The following SMC6 variants were observed in gnomAD, a reference collection of about 807,000 sequenced individuals.
SMC6 encodes structural maintenance of chromosomes 6.
Under a neutral mutation model 142.2 loss-of-function variants are expected in SMC6, and 79 were observed. The observed-to-expected ratio is 0.56, with a 90% CI of 0.46 to 0.67. SMC6 has a LOEUF of 0.67. Among genes scored for constraint, SMC6 ranks in the 30% least tolerant of loss-of-function variants. The pLI is 0.00. For missense variants in SMC6, 1,072 were observed against 1,284.0 expected (o/e 0.83, Z 2.52); for synonymous variants, 411 against 412.4 (o/e 1.00, Z 0.04).
chr2:17,740,764 C>T (rs74657943), intron 4 of SMC6: 8 of 434,606 alleles, frequency 1.8e-5, no homozygotes, highest in East Asian at 8.5e-5. Context: ...ACAGGAGAAT[C>T]GCTTGAACCT....
At chr2:17,751,577 A>G (rs558125326) in intron 2 of SMC6, among the ~76,000 whole-genome samples, 17 of 152,308 alleles carry the variant, frequency 1.1e-4, no homozygotes, top group African/African-American at 4.1e-4. Flanking sequence ...ATACTCTGCA[A>G]TGGAGAAAGA....
chr2:17,700,046 T>C (rs1294830736), intron 21 of SMC6, among the ~76,000 whole-genome samples, 162 bp downstream of exon 21: 1 of 152,176 alleles, frequency 6.6e-6, no homozygotes, highest in Non-Finnish European at 1.5e-5. Flanking sequence ...TTAATACTAA[T>C]TGATCTAATG....
intron 23 of SMC6, among the ~76,000 whole-genome samples, chr2:17,688,195 G>A (rs1304791896): frequency 6.6e-6 from 1 of 151,870 alleles, no homozygotes; most frequent in African/African-American, 2.4e-5. Flanking sequence ...TTTGTTTTTA[G>A]GTATCATTCC....
intron 4 of SMC6, among the ~76,000 whole-genome samples, chr2:17,739,865 C>CACACAG (rs1176077033): frequency 4.5e-5 from 6 of 134,024 alleles, no homozygotes; most frequent in Non-Finnish European, 6.3e-5. Flanking sequence ...CACACACACA[C>CACACAG]AGAGAATATG....
chr2:17,720,844 G>T, intron 11 of SMC6, 96 bp downstream of exon 11: 2 of 1,037,480 alleles, frequency 1.9e-6, no homozygotes, highest in Non-Finnish European at 2.9e-6. Context: ...CAAATATACT[G>T]TCTGAAACTG....
chr2:17,738,207 A>C lies in SMC6; in HGVS notation c.344+14T>G. On this transcript the variant is annotated intron_variant, in intron 5 of 27. Coordinates refer to ENST00000448223, the MANE Select transcript of SMC6 (RefSeq NM_001142286.2). ...TAAAGAATTGAAAATAGATGGTAGA[A>C]AGCAAACACTTACTTCTGTCCATCT... 1 of 1,572,276 alleles carries C rather than the reference A, an allele frequency of 6.4e-7. No homozygotes were observed. Among genetic ancestry groups the C allele is most frequent in the Non-Finnish European group, 8.7e-7 (1 of 1,145,718 alleles).
chr2:17,748,803 C>T lies in SMC6; in HGVS notation c.-5-2852G>A, dbSNP rs1670875031. Among the ~76,000 whole-genome samples, 3 of 152,204 alleles carry T rather than the reference C, an allele frequency of 2.0e-5. 1 individual carries two copies. In the South Asian group the frequency reaches 6.2e-4, roughly 31 times the overall value. ...AGAAACTGTTTTTATTAATGCCTAACACATGATCATGCAGTTAGCAAGCAC... is the reference window on the plus strand; with the variant it reads ...AGAAACTGTTTTTATTAATGCCTAATACATGATCATGCAGTTAGCAAGCAC... On this transcript the variant is annotated intron_variant, in intron 2 of 27. Transcript: ENST00000448223.
intron 7 of SMC6, among the ~76,000 whole-genome samples, chr2:17,730,776 T>G (rs958401453): frequency 2.2e-4 from 33 of 151,306 alleles, no homozygotes; most frequent in African/African-American, 8.0e-4. Flanking sequence ...CTAATTTTTT[T>G]TTTTTTTTTG....
intron 23 of SMC6, among the ~76,000 whole-genome samples, chr2:17,687,047 C>G (rs571098376): frequency 6.6e-6 from 1 of 152,210 alleles, no homozygotes; most frequent in South Asian, 2.1e-4. Flanking sequence ...ATCCAAAATA[C>G]TTCTGGTTCT....
chr2:17,721,300 A>T (rs766130309), intron 9 of SMC6, 39 bp from the exon 10 acceptor site: 1 of 1,514,500 alleles, frequency 6.6e-7, no homozygotes, highest in South Asian at 1.3e-5. Flanking sequence ...TTTTTTATTA[A>T]TGTTGAAAAA....
chr2:17,745,216 T>C (rs1308842838), intron 3 of SMC6, among the ~76,000 whole-genome samples: 1 of 152,202 alleles, frequency 6.6e-6, no homozygotes, highest in African/African-American at 2.4e-5. Context: ...GGCATCAAGA[T>C]AATACATTGA....
In SMC6 at chr2:17,696,329, T is replaced by C; in HGVS notation, c.2492A>G (p.Lys831Arg). 6.2e-7 allele frequency: 1 copy of C among 1,602,426 alleles called. No individual in the cohort carries two copies. The highest frequency in any genetic ancestry group is 8.5e-7 in the Non-Finnish European group (1 of 1,177,598). ...TTTCATATCCAGTTCTCGTTTCTTT[T>C]TATTTAAGGTATCCAAGTGTTCTTT... Reference protein sequence around the residue: ...KQKEHLDTLNKKKRELDMKEK... With the variant: ...KQKEHLDTLNRKKRELDMKEK... Residue 831 changes from lysine to arginine, a missense_variant, in exon 22 of 28, where the codon AAA becomes AGA. Coordinates refer to ENST00000448223, the MANE Select transcript of SMC6 (RefSeq NM_001142286.2).
chr2:17,691,262 CA>C (rs1416747126), intron 23 of SMC6, among the ~76,000 whole-genome samples: 17 of 114,974 alleles, frequency 1.5e-4, no homozygotes, highest in Non-Finnish European at 2.4e-4. Flanking sequence ...ACACACACAC[CA>C]GAATACTATT....
chr2:17,715,959 A>G (rs1669064746), intron 15 of SMC6, 127 bp downstream of exon 15: 4 of 813,974 alleles, frequency 4.9e-6, no homozygotes, highest in African/African-American at 1.8e-5. Context: ...AACGAAAGCT[A>G]CAAAGCTTTA....
intron 5 of SMC6, 85 bp downstream of exon 5, chr2:17,738,136 A>T: frequency 1.0e-6 from 1 of 974,586 alleles, no homozygotes; most frequent in Non-Finnish European, 1.6e-6. Flanking sequence ...CTTCATTTCC[A>T]GTCATGTCTA....
At chr2:17,726,222 C>G (rs1669617332) in intron 8 of SMC6, among the ~76,000 whole-genome samples, 167 bp downstream of exon 8, 1 of 150,562 alleles carries the variant, frequency 6.6e-6, no homozygotes, top group Admixed American at 6.6e-5. Context: ...AAATTATACT[C>G]CCATCTTACT....
At chr2:17,719,679 A>G (rs550957227) in intron 11 of SMC6, among the ~76,000 whole-genome samples, 2 of 152,310 alleles carry the variant, frequency 1.3e-5, no homozygotes, top group East Asian at 3.9e-4. Context: ...CTTGGTGAAA[A>G]TTTCAGAATA....
chr2:17,706,512 CTT>C (rs11339593), intron 18 of SMC6, among the ~76,000 whole-genome samples: 14 of 147,932 alleles, frequency 9.5e-5, no homozygotes, highest in Non-Finnish European at 1.0e-4. Flanking sequence ...ATTTATAATT[CTT>C]TTTTTTTTTT....
At chr2:17,699,697 A>T (rs189106492) in intron 21 of SMC6, among the ~76,000 whole-genome samples, 1,981 of 152,292 alleles carry the variant, frequency 0.013, 22 homozygotes, top group East Asian at 0.031. Flanking sequence ...AGGAATAACA[A>T]GTGAATATTA....
Sources: gnomAD v4.1 joint callset for allele counts (sites outside exome capture counted in the v4.1 genomes callset) on GRCh38, gnomAD v4.1.1 for gene constraint, MANE v1.5 for transcripts, NCBI Gene and HGNC (gene_info 2026-07-23, HGNC 2026-07-21) for gene names.